CNTRL: variants seen among roughly 807,000 people sequenced by gnomAD.
CNTRL encodes the protein 110 kDa centrosomal protein.
CNTRL carries 233 observed loss-of-function variants against 303.7 expected under a neutral mutation model. That is an observed-to-expected ratio of 0.77 (90% confidence interval 0.69 to 0.86). CNTRL has a LOEUF of 0.86. Ranked by LOEUF, CNTRL falls within the 40% of genes least tolerant of loss-of-function variation. The pLI is 0.00. For synonymous variants in CNTRL, 900 were observed against 922.2 expected, an observed-to-expected ratio of 0.98 and a Z score of 0.44; for missense variants, 2,524 against 2,650.6, an observed-to-expected ratio of 0.95 and a Z score of 1.05.
intron 19 of CNTRL, among the ~76,000 whole-genome samples, chr9:121,142,764 C>T (rs1169920962): frequency 6.6e-6 from 1 of 152,152 alleles, no homozygotes; most frequent in East Asian, 1.9e-4. Context: ...ATCATAACCG[C>T]TTATCTTGCT....
At chr9:121,154,215 A>G (rs1340147734) in intron 26 of CNTRL, among the ~76,000 whole-genome samples, 1 of 151,656 alleles carries the variant, frequency 6.6e-6, no homozygotes, top group Admixed American at 6.5e-5. Flanking sequence ...TAATTTCATC[A>G]TGTTAGCCTT....
At chr9:121,111,310 T>A (rs2049736646) in intron 8 of CNTRL, 1 of 152,140 alleles carries the variant, frequency 6.6e-6, no homozygotes, top group South Asian at 2.1e-4. Flanking sequence ...GCTTTTATCA[T>A]CTTATTGGGT....
rs1429790606 is a variant in CNTRL, at chr9:121,141,490, G to T, written c.2593G>T (p.Glu865Ter). The change falls in exon 18 of 44, where the codon GAG becomes TAG. Residue 865 changes from glutamate (E) to a stop codon, truncating the protein, a stop_gained. Transcript: ENST00000373855. LOFTEE classifies it high-confidence loss of function. ...KWERDEAQVR[E>*]RKLQEEMALQ... ...GGAAAGAGATGAAGCACAAGTTAGA[G>T]AGAGAAAACTCCAAGAAGAAATGGC... The T allele has an allele frequency of 6.2e-7, 1 of 1,614,086 alleles. No individual in the cohort carries two copies. Among genetic ancestry groups the T allele is most frequent in the Non-Finnish European group, 8.5e-7 (1 of 1,180,006 alleles).
At position 121,173,307 on chromosome 9, in the gene CNTRL, A is replaced by C; in HGVS notation, c.6482A>C (p.Lys2161Thr). The C allele has an allele frequency of 1.2e-6, 2 of 1,614,158 alleles. No individual in the cohort carries two copies. The highest frequency in any genetic ancestry group is 2.2e-5 in the South Asian group (2 of 91,076). The change falls in exon 41 of 44, where the codon AAA becomes ACA. Residue 2161 changes from lysine (K) to threonine (T), a missense_variant. Transcript: ENST00000373855. ...MEISDAMRTL[K>T]SEVKDEIRTS... is the part of the protein sequence containing the mutation. ...ATCAGTGATGCAATGAGGACACTTAAATCTGAGGTGAAGGATGAAATCAGA... is the reference window on the plus strand; with the variant it reads ...ATCAGTGATGCAATGAGGACACTTACATCTGAGGTGAAGGATGAAATCAGA...
chr9:121,167,988 TG>T, intron 37 of CNTRL, 107 bp from the exon 38 acceptor site: 1 of 930,060 alleles, frequency 1.1e-6, no homozygotes. Flanking sequence ...ATTGTCCCTG[TG>T]GGCTGTCTTC....
At chr9:121,130,076 G>A (rs2050765442) in intron 14 of CNTRL, among the ~76,000 whole-genome samples, 1 of 152,232 alleles carries the variant, frequency 6.6e-6, no homozygotes, top group Non-Finnish European at 1.5e-5. Context: ...ATTCATCAGG[G>A]ATATTGGTCT....
intron 14 of CNTRL, among the ~76,000 whole-genome samples, chr9:121,128,210 G>A (rs1477540686): frequency 6.6e-6 from 1 of 152,152 alleles, no homozygotes; most frequent in South Asian, 2.1e-4. Context: ...GATCCTTGAG[G>A]AATCGCCACA....
At chr9:121,164,908 G>A (rs1320855976) in intron 34 of CNTRL, 35 bp from the exon 35 acceptor site, 6 of 1,575,902 alleles carry the variant, frequency 3.8e-6, no homozygotes, top group Admixed American at 3.7e-5. Flanking sequence ...GTGTGTGCTT[G>A]TATATTTGAC....
chr9:121,085,135 T>A (rs1268924258), intron 2 of CNTRL, among the ~76,000 whole-genome samples: 1 of 152,174 alleles, frequency 6.6e-6, no homozygotes, highest in Non-Finnish European at 1.5e-5. Flanking sequence ...AGAAACGATA[T>A]TTAACAAAAA....
At chr9:121,095,420 G>T (rs2048847277) in intron 5 of CNTRL, among the ~76,000 whole-genome samples, 1 of 151,956 alleles carries the variant, frequency 6.6e-6, no homozygotes, top group South Asian at 2.1e-4. Context: ...GATGTTCTTT[G>T]CTTATTGCTA....
At chr9:121,169,242 G>C (rs1024782292) in intron 38 of CNTRL, among the ~76,000 whole-genome samples, 1 of 152,212 alleles carries the variant, frequency 6.6e-6, no homozygotes, top group African/African-American at 2.4e-5. Context: ...CCTGTGGAAG[G>C]AAGTAGTACT....
intron 30 of CNTRL, chr9:121,158,497 T>G (rs1308977982): frequency 4.4e-6 from 1 of 227,190 alleles, no homozygotes; most frequent in Non-Finnish European, 8.6e-6. Context: ...TTGCAACGAA[T>G]TTTTAATTTT....
intron 2 of CNTRL, among the ~76,000 whole-genome samples, chr9:121,083,692 A>G (rs181580619): frequency 3.3e-5 from 5 of 152,348 alleles, no homozygotes; most frequent in Admixed American, 3.3e-4. Context: ...ACGGACATTT[A>G]TTACCAAGTA....
At chr9:121,131,615 G>A (rs942224309) in intron 14 of CNTRL, among the ~76,000 whole-genome samples, 1 of 152,186 alleles carries the variant, frequency 6.6e-6, no homozygotes, top group Admixed American at 6.5e-5. Context: ...TTAATTGGGG[G>A]CATTTAGCCC....
chr9:121,123,946 C>T lies in CNTRL; in HGVS notation c.1666C>T (p.Gln556Ter), dbSNP rs1302944244. ...KDPKHSHMKAQKSGKEQQLDI... is the reference protein window; with the variant it reads ...KDPKHSHMKA ...TTTAATTCAGTCCCATATGAAGGCT[C>T]AAAAGAGCGGTAAAGAACAACAGCT... Residue 556 changes from glutamine to a stop codon, truncating the protein, a stop_gained, in exon 13 of 44, where the codon CAA becomes TAA. Transcript: ENST00000373855. LOFTEE classifies it high-confidence loss of function. 1 of 1,596,316 alleles carries T rather than the reference C, an allele frequency of 6.3e-7. No individual in the cohort carries two copies. Among genetic ancestry groups the T allele is most frequent in the Non-Finnish European group, 8.5e-7 (1 of 1,173,482 alleles).
intron 24 of CNTRL, among the ~76,000 whole-genome samples, chr9:121,149,838 G>A (rs2052114084): frequency 6.6e-6 from 1 of 152,110 alleles, no homozygotes. Context: ...TCATGACAGT[G>A]GTAAACACTG....
intron 15 of CNTRL, 36 bp downstream of exon 15, chr9:121,136,018 ACCCTGTG>A: frequency 6.6e-7 from 1 of 1,507,826 alleles, no homozygotes; most frequent in Non-Finnish European, 9.0e-7. Flanking sequence ...CAAACTAAGG[ACCCTGTG>A]CCTTAAGATA....
chr9:121,144,647 C>T (rs189645698), intron 20 of CNTRL, among the ~76,000 whole-genome samples, 196 bp from the exon 21 acceptor site: 52 of 152,238 alleles, frequency 3.4e-4, no homozygotes, highest in Non-Finnish European at 6.5e-4. Context: ...TTTCTGATGC[C>T]GCACCTTGGG....
intron 4 of CNTRL, among the ~76,000 whole-genome samples, chr9:121,093,587 A>G (rs1348931302): frequency 6.6e-6 from 1 of 152,222 alleles, no homozygotes; most frequent in Admixed American, 6.5e-5. Flanking sequence ...GTGTGAGAAC[A>G]TTGGTGGTAG....
Sources: allele counts gnomAD v4.1 joint callset (sites outside exome capture counted in the v4.1 genomes callset), GRCh38; gene constraint gnomAD v4.1.1; transcripts MANE v1.5; gene names NCBI Gene and HGNC (gene_info 2026-07-23, HGNC 2026-07-21).